The following BATF3 variants were observed in gnomAD, a reference collection of about 807,000 sequenced individuals.
The protein encoded by BATF3 is basic leucine zipper transcriptional factor ATF-like 3.
A neutral mutation model predicts 16.1 loss-of-function variants in BATF3; 8 were observed. The ratio of observed to expected loss-of-function variants is 0.50; its 90% confidence interval spans 0.29 to 0.90. BATF3 has a LOEUF of 0.90. Among genes scored for constraint, BATF3 ranks in the 40% least tolerant of loss-of-function variants. The probability of loss-of-function intolerance (pLI) is 0.08; values close to 1 mark genes in which losing one functional copy is unlikely to be tolerated. For missense variants in BATF3, 139 were observed against 167.0 expected (o/e 0.83, Z 0.92); for synonymous variants, 74 against 72.7 (o/e 1.02, Z -0.09).
At chr1:212,695,142 C>T (rs1007095110) in intron 2 of BATF3, among the ~76,000 whole-genome samples, 7 of 152,100 alleles carry the variant, frequency 4.6e-5, no homozygotes, top group Admixed American at 6.6e-5. Flanking sequence ...GCAGGTGGAT[C>T]GCTTGAGTCC....
At position 212,699,411 on chromosome 1, in the gene BATF3, C is replaced by T. The variant is rs1014314051; in HGVS notation, c.90+262G>A. Among the ~76,000 whole-genome samples the T allele has an allele frequency of 1.3e-5, 2 of 152,258 alleles. No homozygotes were observed. The highest frequency in any genetic ancestry group is 3.9e-4 in the East Asian group (2 of 5,166). ...CCCGGCCCAGCCAGGCGTCGGCGCC[C>T]TCGGGCTTCTTCCCCCAGAGGGCGC... is the stretch of plus-strand genomic sequence containing the variant. On this transcript the variant is annotated intron_variant, in intron 1 of 2. Coordinates refer to ENST00000243440, the MANE Select transcript of BATF3 (RefSeq NM_018664.3). This position sits in a 1 kb window ranked among gnomAD's most constrained non-coding sequence, Gnocchi z 4.4.
At chr1:212,696,901 C>T (rs1398403998) in intron 2 of BATF3, 60 bp downstream of exon 2, 1 of 1,282,124 alleles carries the variant, frequency 7.8e-7, no homozygotes, top group Non-Finnish European at 1.1e-6. Flanking sequence ...ATCACCCCCA[C>T]TCCCGTGCAA....
intron 1 of BATF3, chr1:212,697,877 T>A (rs1219719245): frequency 6.6e-6 from 1 of 152,024 alleles, no homozygotes; most frequent in Non-Finnish European, 1.5e-5. Flanking sequence ...TAGAACCCCA[T>A]GAGAAGACAC....
intron 2 of BATF3, among the ~76,000 whole-genome samples, chr1:212,691,653 A>G (rs541882630): frequency 2.0e-5 from 3 of 152,402 alleles, no homozygotes; most frequent in Non-Finnish European, 4.4e-5. Flanking sequence ...CCATGGCAAC[A>G]CATACCACAA....
In BATF3 at chr1:212,699,800, C is replaced by T; in HGVS notation, c.-38G>A. 1.7e-6 allele frequency: 2 copies of T among 1,157,192 alleles called. No homozygotes were observed. Among genetic ancestry groups the T allele is most frequent in the Non-Finnish European group, 2.1e-6 (2 of 938,830 alleles). The allele number at this position is 1,157,192 out of a possible 1,614,324, so 71.7% of individuals were successfully genotyped here. The stretch of plus-strand genomic sequence containing the variant: ...TCTGGCCCGGCCCGCCCCGCCCCGC[C>T]CGCGCGCCCTGCCCGTGGGGCTGCC... On this transcript the variant is annotated 5_prime_UTR_variant, in exon 1 of 3. Transcript: ENST00000243440. This position sits in a 1 kb window ranked among gnomAD's most constrained non-coding sequence, Gnocchi z 4.4.
intron 2 of BATF3, among the ~76,000 whole-genome samples, chr1:212,688,060 G>T (rs12742251): frequency 7.3e-6 from 1 of 136,868 alleles, no homozygotes; most frequent in Admixed American, 7.1e-5. Context: ...GAGAAAGAGA[G>T]AAAAGAAAAA....
chr1:212,697,190 G>T, intron 1 of BATF3, 125 bp from the exon 2 acceptor site: 1 of 712,680 alleles, frequency 1.4e-6, no homozygotes, highest in Non-Finnish European at 2.4e-6. Flanking sequence ...AGCACCACTA[G>T]TTGCTATACC....
At chr1:212,694,391 G>C (rs1012955898) in intron 2 of BATF3, among the ~76,000 whole-genome samples, 7 of 152,042 alleles carry the variant, frequency 4.6e-5, no homozygotes, top group Non-Finnish European at 7.4e-5. Context: ...GCTTCCCACC[G>C]ACAGGCAAGG....
At chr1:212,694,056 GAGA>G (rs1446947406) in intron 2 of BATF3, among the ~76,000 whole-genome samples, 1 of 152,218 alleles carries the variant, frequency 6.6e-6, no homozygotes, top group Admixed American at 6.5e-5. Context: ...CGGGGAGTCA[GAGA>G]AGATGTGACA....
rs1395337862 is a variant in BATF3, at chr1:212,686,949, T to C, written c.226A>G (p.Met76Val). The change falls in exon 3 of 3, where the codon ATG becomes GTG. Residue 76 changes from methionine (M) to valine (V), a missense_variant. Physicochemically the swap from Met to Val is conservative, Grantham distance 21. Transcript: ENST00000243440. ...AGCTTCCCGATCTCTCTCCGCAGCATGGTGTTTTCTTGCTCCAGGCTCTCA... is the reference window on the plus strand; with the variant it reads ...AGCTTCCCGATCTCTCTCCGCAGCACGGTGTTTTCTTGCTCCAGGCTCTCA... ...EYESLEQENTMLRREIGKLTE... is the reference protein window; with the variant it reads ...EYESLEQENTVLRREIGKLTE... 2 of 1,610,256 alleles carry C rather than the reference T, an allele frequency of 1.2e-6. No individual in the cohort carries two copies. Among genetic ancestry groups the C allele is most frequent in the Admixed American group, 1.7e-5 (1 of 60,020 alleles).
chr1:212,686,969 C>T lies in BATF3; in HGVS notation c.206G>A (p.Ser69Asn), dbSNP rs780328088. The T allele has an allele frequency of 6.9e-6, 11 of 1,592,494 alleles. No individual in the cohort carries two copies. The South Asian group carries it at 1.1e-4, about 16-fold the overall frequency. Residue 69 changes from serine to asparagine, a missense_variant, in exon 3 of 3, where the codon AGC (serine) becomes AAC (asparagine). Transcript: ENST00000243440. ...KADKLHEEYE[S>N]LEQENTMLRR... The stretch of plus-strand genomic sequence containing the variant: ...CAGCATGGTGTTTTCTTGCTCCAGG[C>T]TCTCATATTCCTGGGGGAGACAGAA...
rs549220070 is a variant in BATF3 at position 212,693,749 on chromosome 1, T to A, written c.195+3212A>T. 2.9e-3 allele frequency among the ~76,000 whole-genome samples: 446 copies of A among 152,308 alleles called. 1 individual carries two copies. Among genetic ancestry groups the A allele is most frequent in the Non-Finnish European group, 5.0e-3 (343 of 68,020 alleles). On this transcript the variant is annotated intron_variant, in intron 2 of 2. Coordinates refer to ENST00000243440, the MANE Select transcript of BATF3 (RefSeq NM_018664.3). ...TTCCCAGGCACCTGGTTCACTCAGT[T>A]ATCAAATGCAGCAGTGACAGAAAGT...
At chr1:212,691,246 G>A (rs533563902) in intron 2 of BATF3, among the ~76,000 whole-genome samples, 117 of 152,246 alleles carry the variant, frequency 7.7e-4, no homozygotes, top group South Asian at 2.1e-3. Flanking sequence ...AAAGAAAGAA[G>A]TAGGAACAGG....
chr1:212,688,758 C>T (rs1656923892), intron 2 of BATF3, among the ~76,000 whole-genome samples: 1 of 152,222 alleles, frequency 6.6e-6, no homozygotes, highest in Non-Finnish European at 1.5e-5. Context: ...GGCTGGCAAT[C>T]TCATTTAAAT....
intron 2 of BATF3, among the ~76,000 whole-genome samples, chr1:212,696,123 T>A (rs1657119600): frequency 6.7e-6 from 1 of 150,100 alleles, no homozygotes; most frequent in African/African-American, 2.5e-5. Context: ...GATTAATAGA[T>A]TAAGTCTTCC....
In BATF3 at chr1:212,699,452, A is replaced by G. The variant is rs1417726505; in HGVS notation, c.90+221T>C. On this transcript the variant is annotated intron_variant, in intron 1 of 2. Transcript: ENST00000243440. The surrounding 1 kb of genome is among the most constrained non-coding windows in gnomAD (Gnocchi z 4.4). The stretch of plus-strand genomic sequence containing the variant: ...CAGAGGGCGCAGGAGCTGGCTCAGG[A>G]GCCATTCCAGGAGCCGCGGACACTG... Among the ~76,000 whole-genome samples, 1 of 152,000 alleles carries G rather than the reference A, an allele frequency of 6.6e-6. No individual in the cohort carries two copies. The highest frequency in any genetic ancestry group is 1.5e-5 in the Non-Finnish European group (1 of 67,960).
At position 212,692,359 on chromosome 1, in the gene BATF3, C is replaced by T. The variant is rs1433960556; in HGVS notation, c.195+4602G>A. Among the ~76,000 whole-genome samples the T allele has an allele frequency of 5.4e-5, 8 of 149,192 alleles. No individual in the cohort carries two copies. In the Admixed American group the frequency reaches 5.4e-4, roughly 10 times the overall value. ...TAATATGCAAATTCATAAAGTGTTC[C>T]ATATTTTTTTAAAAACCCAGGAAGA... On this transcript the variant is annotated intron_variant, in intron 2 of 2. Transcript: ENST00000243440.
intron 2 of BATF3, among the ~76,000 whole-genome samples, chr1:212,695,865 T>C (rs1657114957): frequency 6.6e-6 from 1 of 152,110 alleles, no homozygotes; most frequent in African/African-American, 2.4e-5. Context: ...TTAGGATAAA[T>C]CCTAGGCTTC....
At chr1:212,693,915 G>A (rs1019584315) in intron 2 of BATF3, among the ~76,000 whole-genome samples, 1 of 152,132 alleles carries the variant, frequency 6.6e-6, no homozygotes, top group Non-Finnish European at 1.5e-5. Context: ...TTGAACCTGC[G>A]ACTATGTCAC....
Sources: allele counts gnomAD v4.1 joint callset (sites outside exome capture counted in the v4.1 genomes callset), GRCh38; gene constraint gnomAD v4.1.1; non-coding constraint Gnocchi (gnomAD v3.1); transcripts MANE v1.5; gene names NCBI Gene and HGNC (gene_info 2026-07-23, HGNC 2026-07-21).